Variants in PTPRM observed in about 807,000 individuals in gnomAD.
PTPRM encodes the protein receptor-type tyrosine-protein phosphatase mu.
In PTPRM, 47 loss-of-function variants were observed where a neutral mutation model predicts 186.7. The observed-to-expected ratio is 0.25, with a 90% CI of 0.20 to 0.32. The LOEUF (loss-of-function observed/expected upper bound fraction) is 0.32, where lower values mean the gene tolerates loss of function less well. Among genes scored for constraint, PTPRM ranks in the 10% least tolerant of loss-of-function variants. The pLI is 1.00. For synonymous variants in PTPRM, 668 were observed against 674.9 expected (o/e 0.99, Z 0.16); for missense variants, 1,494 against 1,865.0 (o/e 0.80, Z 3.66).
chr18:7,591,241 G>A (rs2037118095), intron 1 of PTPRM, among the ~76,000 whole-genome samples: 1 of 152,154 alleles, frequency 6.6e-6, no homozygotes, highest in Non-Finnish European at 1.5e-5. Flanking sequence ...TTTTCCTCTG[G>A]AATTGTTTCT....
intron 1 of PTPRM, among the ~76,000 whole-genome samples, chr18:7,672,776 G>A (rs763334039): frequency 1.3e-5 from 2 of 152,212 alleles, no homozygotes; most frequent in African/African-American, 2.4e-5. Flanking sequence ...AGGTGAGGGA[G>A]GAAAAGAGCT....
intron 14 of PTPRM, among the ~76,000 whole-genome samples, chr18:8,197,102 AAGAAATATTC>A (rs1195060610): frequency 1.3e-5 from 2 of 152,240 alleles, no homozygotes; most frequent in Non-Finnish European, 2.9e-5. Context: ...TTATGCCCAT[AAGAAATATTC>A]AGAAATAGTT....
chr18:7,834,921 A>G (rs2045957681), intron 2 of PTPRM, among the ~76,000 whole-genome samples: 1 of 148,674 alleles, frequency 6.7e-6, no homozygotes, highest in African/African-American at 2.5e-5. Flanking sequence ...ATAGCCACTA[A>G]TGGTTTTTTG....
intron 2 of PTPRM, among the ~76,000 whole-genome samples, chr18:7,867,589 C>T (rs1049087520): frequency 1.1e-4 from 16 of 152,158 alleles, no homozygotes; most frequent in Admixed American, 3.3e-4. Context: ...ATGGGCTTCC[C>T]TTTGTGGGTA....
At chr18:8,106,711 T>TAA (rs2091537982) in intron 11 of PTPRM, among the ~76,000 whole-genome samples, 1 of 152,226 alleles carries the variant, frequency 6.6e-6, no homozygotes, top group Non-Finnish European at 1.5e-5. Context: ...ATGAATGAAA[T>TAA]AATTTTCTTC....
chr18:8,368,785 G>A (rs1170499886), intron 23 of PTPRM, among the ~76,000 whole-genome samples: 1 of 152,166 alleles, frequency 6.6e-6, no homozygotes, highest in Non-Finnish European at 1.5e-5. Context: ...CTATGACTCT[G>A]CATAAAATTC....
chr18:7,738,601 A>AT (rs35691659), intron 1 of PTPRM, among the ~76,000 whole-genome samples: 7,335 of 141,644 alleles, frequency 0.052, 236 homozygotes, highest in Non-Finnish European at 0.073. Context: ...ACACCCGGCT[A>AT]TTTTTTTTTT....
At chr18:8,377,595 A>G (rs751169149) in intron 26 of PTPRM, 2 of 152,184 alleles carry the variant, frequency 1.3e-5, no homozygotes, top group Non-Finnish European at 2.9e-5. Flanking sequence ...GGTCATATTT[A>G]TGTATAGAAA....
At chr18:7,629,851 A>G (rs1170674233) in intron 1 of PTPRM, among the ~76,000 whole-genome samples, 1 of 152,176 alleles carries the variant, frequency 6.6e-6, no homozygotes, top group Non-Finnish European at 1.5e-5. Context: ...AATGGACTTA[A>G]AAATGTTCAT....
intron 2 of PTPRM, among the ~76,000 whole-genome samples, chr18:7,795,155 T>C (rs570736304): frequency 4.8e-4 from 73 of 152,330 alleles, no homozygotes; most frequent in Non-Finnish European, 6.6e-4. Flanking sequence ...GGATCGTCGT[T>C]GTTCTCCATC....
At chr18:7,820,430 G>C (rs911482372) in intron 2 of PTPRM, among the ~76,000 whole-genome samples, 2 of 152,170 alleles carry the variant, frequency 1.3e-5, no homozygotes, top group Non-Finnish European at 2.9e-5. Context: ...CAAGTCTTCA[G>C]ACAATAACCC....
At chr18:8,024,265 A>G (rs2085419932) in intron 7 of PTPRM, among the ~76,000 whole-genome samples, 1 of 151,972 alleles carries the variant, frequency 6.6e-6, no homozygotes, top group African/African-American at 2.4e-5. Context: ...CTTTATTTCA[A>G]GTAACTGAAA....
intron 14 of PTPRM, among the ~76,000 whole-genome samples, chr18:8,201,501 C>G (rs2093856344): frequency 6.6e-6 from 1 of 152,122 alleles, no homozygotes; most frequent in Non-Finnish European, 1.5e-5. Flanking sequence ...ATTACTATAT[C>G]TATTTATTAG....
intron 1 of PTPRM, among the ~76,000 whole-genome samples, chr18:7,631,976 C>T (rs1467317466): frequency 6.6e-6 from 1 of 152,160 alleles, no homozygotes; most frequent in African/African-American, 2.4e-5. Context: ...TCACAGGGTG[C>T]AGATATATAA....
chr18:7,851,088 G>A (rs1445941963), intron 2 of PTPRM, among the ~76,000 whole-genome samples: 1 of 152,074 alleles, frequency 6.6e-6, no homozygotes, highest in African/African-American at 2.4e-5. Flanking sequence ...CTAGTGAGTT[G>A]GTTTAAGAGA....
intron 1 of PTPRM, among the ~76,000 whole-genome samples, chr18:7,661,634 C>A (rs538761260): frequency 3.3e-5 from 5 of 152,220 alleles, no homozygotes; most frequent in African/African-American, 1.2e-4. Flanking sequence ...CCAGGGGGAT[C>A]AAGAAGACCC....
chr18:7,665,303 G>GT (rs2039070639), intron 1 of PTPRM, among the ~76,000 whole-genome samples: 1 of 152,176 alleles, frequency 6.6e-6, no homozygotes, highest in African/African-American at 2.4e-5. Flanking sequence ...GCACATATGT[G>GT]TAAGTACTGC....
Position 7,777,389 on chromosome 18 carries a change from G to A in PTPRM, c.196+3118G>A, listed in dbSNP as rs142397585. 5.9e-4 allele frequency among the ~76,000 whole-genome samples: 90 copies of A among 152,300 alleles called. 1 individual carries two copies. Among genetic ancestry groups the A allele is most frequent in the African/African-American group, 2.0e-3 (84 of 41,580 alleles). Reference sequence around the variant, plus strand: ...TTTGTGATGTGAAATTCAAAATGCAGCGTTTACAAGTTTTACTGACACACA... The same window carrying A: ...TTTGTGATGTGAAATTCAAAATGCAACGTTTACAAGTTTTACTGACACACA... On this transcript the variant is annotated intron_variant, in intron 2 of 32. Transcript: ENST00000580170.
chr18:7,766,854 A>G (rs906288319), intron 1 of PTPRM, among the ~76,000 whole-genome samples: 5 of 152,232 alleles, frequency 3.3e-5, no homozygotes, highest in Non-Finnish European at 7.3e-5. Context: ...CTTGATAACT[A>G]GTACAGGGAA....
Sources: gnomAD v4.1 joint callset for allele counts (sites outside exome capture counted in the v4.1 genomes callset) on GRCh38, gnomAD v4.1.1 for gene constraint, MANE v1.5 for transcripts, NCBI Gene and HGNC (gene_info 2026-07-23, HGNC 2026-07-21) for gene names.